UMOD: variants seen among roughly 807,000 people sequenced by gnomAD.
UMOD encodes Tamm-Horsfall urinary glycoprotein.
In UMOD, 64 loss-of-function variants were observed where a neutral mutation model predicts 66.0. That is an observed-to-expected ratio of 0.97 (90% CI 0.79 to 1.19). The LOEUF is 1.19. Among genes scored for constraint, UMOD ranks in the 50% most tolerant of loss-of-function variants. The probability of loss-of-function intolerance (pLI) is 0.00; values close to 1 mark genes in which losing one functional copy is unlikely to be tolerated. For missense variants in UMOD, 764 were observed against 850.9 expected, an observed-to-expected ratio of 0.90 and a Z score of 1.27; for synonymous variants, 398 against 352.7, an observed-to-expected ratio of 1.13 and a Z score of -1.44.
At chr16:20,345,400 T>TTTCTTTCTTTC (rs1555486827) in intron 5 of UMOD, among the ~76,000 whole-genome samples, 23 of 78,038 alleles carry the variant, frequency 2.9e-4, no homozygotes, top group African/African-American at 5.2e-4. Context: ...TTTTCTTTTT[T>TTTCTTTCTTTC]TTTCTTTCTT....
intron 4 of UMOD, 47 bp from the exon 5 acceptor site, chr16:20,346,381 G>A (rs1251624945): frequency 1.2e-6 from 2 of 1,601,722 alleles, no homozygotes; most frequent in Non-Finnish European, 1.7e-6. Flanking sequence ...ATAGCTTGGG[G>A]GCCCAGCACA....
At chr16:20,338,926 A>ATT (rs574563507) in intron 7 of UMOD, among the ~76,000 whole-genome samples, 1 of 151,956 alleles carries the variant, frequency 6.6e-6, no homozygotes, top group Non-Finnish European at 1.5e-5. Flanking sequence ...TGCCTGTCTA[A>ATT]TTTTTTTGTA....
chr16:20,339,645 AG>A (rs1456818284), intron 7 of UMOD, among the ~76,000 whole-genome samples: 3 of 152,240 alleles, frequency 2.0e-5, no homozygotes, highest in Non-Finnish European at 4.4e-5. Flanking sequence ...ACTGTCTCTC[AG>A]GAATGCTTTT....
intron 7 of UMOD, 57 bp from the exon 8 acceptor site, chr16:20,337,510 A>G: frequency 6.2e-7 from 1 of 1,608,630 alleles, no homozygotes; most frequent in Non-Finnish European, 8.5e-7. Flanking sequence ...CTGGAGTCAG[A>G]CTTCCTGGAT....
chr16:20,352,255 G>A (rs1330085956), intron 1 of UMOD, among the ~76,000 whole-genome samples: 2 of 152,174 alleles, frequency 1.3e-5, no homozygotes, highest in East Asian at 3.9e-4. Context: ...ATTGCTTACT[G>A]ACATATTCTA....
intron 10 of UMOD, among the ~76,000 whole-genome samples, chr16:20,334,232 G>A (rs1448183329): frequency 6.6e-6 from 1 of 151,786 alleles, no homozygotes; most frequent in African/African-American, 2.4e-5. Context: ...GGGGGTTCTT[G>A]TTTGGCCGTT....
At chr16:20,345,400 T>TTTTCTTTCTTTCTTTCTTTC (rs797021829) in intron 5 of UMOD, among the ~76,000 whole-genome samples, 790 of 77,788 alleles carry the variant, frequency 0.01, 12 homozygotes, top group South Asian at 0.034. Flanking sequence ...TTTTCTTTTT[T>TTTTCTTTCTTTCTTTCTTTC]TTTCTTTCTT....
Position 20,337,398 on chromosome 16 carries a change from G to A in UMOD, c.1633C>T (p.Gln545Ter), listed in dbSNP as rs1209195613. Residue 545 changes from glutamine to a stop codon, truncating the protein, a stop_gained, in exon 8 of 11, where the codon CAG becomes TAG. Transcript: ENST00000396138. LOFTEE classifies it high-confidence loss of function. ...AACATCTGGACGGAAAATCGGCCCT[G>A]GGAGGACTCCCCATTCTCCACCACT... ...IQVVENGESS[Q>*]GRFSVQMFRF... 2 of 1,614,048 alleles carry A rather than the reference G, an allele frequency of 1.2e-6. No homozygotes were observed. Among genetic ancestry groups the A allele is most frequent in the Non-Finnish European group, 1.7e-6 (2 of 1,180,048 alleles).
intron 5 of UMOD, among the ~76,000 whole-genome samples, chr16:20,345,385 CT>C (rs1389096408): frequency 1.5e-5 from 2 of 135,486 alleles, no homozygotes; most frequent in Non-Finnish European, 3.2e-5. Flanking sequence ...TCCTTCCTTC[CT>C]TTCTTTTCTT....
upstream of UMOD, among the ~76,000 whole-genome samples, chr16:20,355,382 C>T (rs1353227864): frequency 6.6e-6 from 1 of 151,182 alleles, no homozygotes; most frequent in Non-Finnish European, 1.5e-5. Context: ...TTGAAACACT[C>T]TTCTTTCTTT....
intron 1 of UMOD, among the ~76,000 whole-genome samples, chr16:20,351,678 C>T (rs1965899682): frequency 6.6e-6 from 1 of 152,062 alleles, no homozygotes; most frequent in Non-Finnish European, 1.5e-5. Flanking sequence ...GCATTGGGTC[C>T]TAGAGCAACG....
chr16:20,350,511 T>C (rs1250292371), intron 2 of UMOD, 139 bp downstream of exon 2: 2 of 1,182,676 alleles, frequency 1.7e-6, no homozygotes, highest in African/African-American at 1.5e-5. Flanking sequence ...AGAAATGGAC[T>C]TAGAATGAAG....
chr16:20,334,892 C>T (rs1964789613), intron 10 of UMOD, among the ~76,000 whole-genome samples: 1 of 148,612 alleles, frequency 6.7e-6, no homozygotes, highest in Non-Finnish European at 1.5e-5. Flanking sequence ...AGTGCAGTGG[C>T]GTGATCTTGG....
chr16:20,352,014 C>G (rs1477534300), intron 1 of UMOD, among the ~76,000 whole-genome samples: 1 of 140,724 alleles, frequency 7.1e-6, no homozygotes, highest in East Asian at 2.0e-4. Context: ...AGTCCATCCC[C>G]CCCCCCCAAA....
At chr16:20,351,982 C>T (rs1190153175) in intron 1 of UMOD, among the ~76,000 whole-genome samples, 1 of 148,364 alleles carries the variant, frequency 6.7e-6, no homozygotes, top group South Asian at 2.1e-4. Context: ...CGTGCCACTG[C>T]ACTCCTGCCT....
At chr16:20,340,312 C>T (rs550063864) in intron 7 of UMOD, among the ~76,000 whole-genome samples, 49 of 151,906 alleles carry the variant, frequency 3.2e-4, no homozygotes, top group African/African-American at 1.2e-3. Flanking sequence ...GTTGAGGCTG[C>T]CGTGAGCTAT....
chr16:20,346,589 TG>T (rs983236173), intron 4 of UMOD, among the ~76,000 whole-genome samples: 1 of 152,182 alleles, frequency 6.6e-6, no homozygotes, highest in Admixed American at 6.5e-5. Context: ...AGGACGGTTT[TG>T]GGGGGTTTTG....
intron 9 of UMOD, among the ~76,000 whole-genome samples, chr16:20,335,789 C>T (rs577014804): frequency 6.6e-6 from 1 of 152,288 alleles, no homozygotes; most frequent in Non-Finnish European, 1.5e-5. Context: ...TCTCTGGGTT[C>T]CTTTAACAGG....
intron 9 of UMOD, 63 bp downstream of exon 9, chr16:20,336,583 T>C: frequency 6.6e-7 from 1 of 1,512,798 alleles, no homozygotes; most frequent in South Asian, 1.1e-5. Context: ...GGCTCTGTTA[T>C]CCCTCTTCCT....
Sources: allele counts gnomAD v4.1 joint callset (sites outside exome capture counted in the v4.1 genomes callset), GRCh38; gene constraint gnomAD v4.1.1; transcripts MANE v1.5; gene names NCBI Gene and HGNC (gene_info 2026-07-23, HGNC 2026-07-21).